Variants in IFT80 observed in about 807,000 individuals in gnomAD.
IFT80 encodes intraflagellar transport protein 80 homolog.
Under a neutral mutation model 107.9 loss-of-function variants are expected in IFT80, and 79 were observed. The observed-to-expected ratio is 0.73, with a 90% confidence interval of 0.61 to 0.88. The LOEUF (loss-of-function observed/expected upper bound fraction) is 0.88, where lower values mean the gene tolerates loss of function less well. IFT80 is among the 40% of genes least tolerant of loss of function. IFT80 has a pLI of 0.00. For synonymous variants in IFT80, 299 were observed against 300.9 expected, an observed-to-expected ratio of 0.99 and a Z score of 0.07; for missense variants, 797 against 914.2, an observed-to-expected ratio of 0.87 and a Z score of 1.65.
intron 19 of IFT80, among the ~76,000 whole-genome samples, chr3:160,259,069 T>C (rs1260577926): frequency 2.0e-5 from 3 of 152,100 alleles, no homozygotes; most frequent in Admixed American, 6.5e-5. Context: ...GATTGCACCA[T>C]TGCACTCCAG....
At chr3:160,271,967 C>A (rs1006774106) in intron 18 of IFT80, among the ~76,000 whole-genome samples, 1 of 151,410 alleles carries the variant, frequency 6.6e-6, no homozygotes, top group Non-Finnish European at 1.5e-5. Flanking sequence ...TAAATCTAAT[C>A]AAGTTCCTAG....
intron 19 of IFT80, among the ~76,000 whole-genome samples, chr3:160,260,457 C>T (rs1712731998): frequency 6.6e-6 from 1 of 152,142 alleles, no homozygotes; most frequent in Admixed American, 6.5e-5. Context: ...CACAATAAAA[C>T]CATACATTGA....
chr3:160,320,771 A>G (rs184358731), intron 8 of IFT80, among the ~76,000 whole-genome samples: 1 of 151,882 alleles, frequency 6.6e-6, no homozygotes, highest in African/African-American at 2.4e-5. Context: ...ATACATATAT[A>G]TATTTTGTTT....
intron 10 of IFT80, among the ~76,000 whole-genome samples, chr3:160,305,454 G>A (rs1219653558): frequency 6.6e-6 from 1 of 151,996 alleles, no homozygotes; most frequent in African/African-American, 2.4e-5. Flanking sequence ...ATATGCTTTT[G>A]TACTTTAGAA....
At chr3:160,269,414 G>A (rs1713629241) in intron 18 of IFT80, among the ~76,000 whole-genome samples, 1 of 151,994 alleles carries the variant, frequency 6.6e-6, no homozygotes, top group African/African-American at 2.4e-5. Flanking sequence ...AACAAATTGA[G>A]GCTAAGAAGT....
intron 1 of IFT80, among the ~76,000 whole-genome samples, chr3:160,397,917 G>A (rs966582239): frequency 1.1e-4 from 17 of 151,668 alleles, no homozygotes; most frequent in Non-Finnish European, 8.8e-5. Flanking sequence ...GACGGGGTTT[G>A]TCCATGTTGG....
intron 4 of IFT80, among the ~76,000 whole-genome samples, chr3:160,377,198 C>T (rs1196761956): frequency 6.6e-6 from 1 of 152,118 alleles, no homozygotes; most frequent in Non-Finnish European, 1.5e-5. Flanking sequence ...TTATTCCATA[C>T]GTGACCATTC....
intron 11 of IFT80, 24 bp from the exon 12 acceptor site, chr3:160,301,070 G>A: frequency 1.3e-6 from 2 of 1,546,264 alleles, no homozygotes; most frequent in South Asian, 2.3e-5. Context: ...AATAGAAATA[G>A]ATTCTCAAAC....
chr3:160,312,939 TAATAAATATATATTATATATA>T (rs1717486156), intron 9 of IFT80, among the ~76,000 whole-genome samples: 1 of 50,942 alleles, frequency 2.0e-5, no homozygotes, highest in Non-Finnish European at 3.3e-5. Context: ...ATATAATATA[TAATAAATATATATTATATATA>T]AATATATAAT....
intron 11 of IFT80, 44 bp from the exon 12 acceptor site, chr3:160,301,090 CT>C (rs1289352993): frequency 1.3e-6 from 2 of 1,482,022 alleles, no homozygotes; most frequent in Non-Finnish European, 1.8e-6. Flanking sequence ...CAGGAGTATA[CT>C]TTATTTTTGT....
At chr3:160,317,008 C>T (rs1245510865) in intron 9 of IFT80, among the ~76,000 whole-genome samples, 2 of 152,026 alleles carry the variant, frequency 1.3e-5, no homozygotes, top group African/African-American at 4.8e-5. Flanking sequence ...AATAAATTTC[C>T]TTTTTTTCTC....
intron 9 of IFT80, among the ~76,000 whole-genome samples, chr3:160,318,363 C>T (rs1441725958): frequency 2.0e-5 from 3 of 151,918 alleles, no homozygotes; most frequent in Non-Finnish European, 4.4e-5. Flanking sequence ...CCTGCCCATG[C>T]TTCTAAATTT....
At position 160,263,428 on chromosome 3, in the gene IFT80, C is replaced by T. The variant is rs111326160; in HGVS notation, c.2224-4793G>A. Reference sequence around the variant, plus strand: ...AATCTCCAAGTCTTCCCATTGCCTTCATTACGAAGTCTATTCTCTTATCCT... The same window carrying T: ...AATCTCCAAGTCTTCCCATTGCCTTTATTACGAAGTCTATTCTCTTATCCT... On this transcript the variant is annotated intron_variant, in intron 19 of 19. Transcript: ENST00000326448. Among the ~76,000 whole-genome samples, 680 of 152,302 alleles carry T rather than the reference C, an allele frequency of 4.5e-3. 3 individuals carry two copies. Among genetic ancestry groups the T allele is most frequent in the Admixed American group, 0.013 (194 of 15,292 alleles).
chr3:160,283,973 T>G (rs1714898043), intron 13 of IFT80, among the ~76,000 whole-genome samples: 2 of 152,218 alleles, frequency 1.3e-5, no homozygotes, highest in African/African-American at 4.8e-5. Flanking sequence ...ATTCATTTAC[T>G]AATACACAGA....
At chr3:160,340,807 C>T (rs767607232) in intron 8 of IFT80, among the ~76,000 whole-genome samples, 1 of 152,154 alleles carries the variant, frequency 6.6e-6, no homozygotes, top group Non-Finnish European at 1.5e-5. Flanking sequence ...ATCGCATCTG[C>T]AAAGTTCCTT....
intron 8 of IFT80, among the ~76,000 whole-genome samples, chr3:160,341,797 C>T (rs765322288): frequency 7.9e-5 from 12 of 152,176 alleles, no homozygotes; most frequent in Non-Finnish European, 1.8e-4. Flanking sequence ...ACAAAGAGAA[C>T]AGGTACTTTC....
At position 160,258,430 on chromosome 3, in the gene IFT80, A is replaced by C; in HGVS notation, c.*95T>G. 6.7e-7 allele frequency: 1 copy of C among 1,490,830 alleles called. No homozygotes were observed. The highest frequency in any genetic ancestry group is 9.2e-7 in the Non-Finnish European group (1 of 1,081,450). The allele number at this position is 1,490,830 out of a possible 1,614,324, so 92.4% of individuals were successfully genotyped here. ...AGCAAGTACTTATACTCGGTTAAAG[A>C]TTATGCTTTTTTCTTTAGCAACCAA... On this transcript the variant is annotated 3_prime_UTR_variant, in exon 20 of 20. Coordinates refer to ENST00000326448, the MANE Select transcript of IFT80 (RefSeq NM_020800.3).
chr3:160,379,962 C>T (rs752377593), intron 3 of IFT80, among the ~76,000 whole-genome samples: 1 of 152,022 alleles, frequency 6.6e-6, no homozygotes, highest in East Asian at 1.9e-4. Context: ...AAGCCCTCTT[C>T]TCTTTCTCTT....
intron 6 of IFT80, among the ~76,000 whole-genome samples, chr3:160,360,956 G>A (rs1343348808): frequency 1.3e-5 from 2 of 152,172 alleles, no homozygotes; most frequent in African/African-American, 4.8e-5. Context: ...GGCAACTAAT[G>A]GGCAAAATAA....
Sources: gnomAD v4.1 joint callset for allele counts (sites outside exome capture counted in the v4.1 genomes callset) on GRCh38, gnomAD v4.1.1 for gene constraint, MANE v1.5 for transcripts, NCBI Gene and HGNC (gene_info 2026-07-23, HGNC 2026-07-21) for gene names.